CACNA1C: variants seen among roughly 807,000 people sequenced by gnomAD.
The protein encoded by CACNA1C is calcium voltage-gated channel subunit alpha1 C.
In CACNA1C, 30 loss-of-function variants were observed where a neutral mutation model predicts 229.0. That is an observed-to-expected ratio of 0.13 (90% CI 0.10 to 0.18). The LOEUF is 0.18. Among genes scored for constraint, CACNA1C ranks in the 10% least tolerant of loss-of-function variants. The pLI is 1.00. For missense variants in CACNA1C, 1,658 were observed against 2,845.0 expected (o/e 0.58, Z 9.49); for synonymous variants, 1,114 against 1,132.5 (o/e 0.98, Z 0.33).
chr12:2,265,842 C>T (rs775813312), intron 3 of CACNA1C, among the ~76,000 whole-genome samples: 4 of 152,196 alleles, frequency 2.6e-5, no homozygotes, highest in African/African-American at 4.8e-5. Context: ...ATCTCTGGAG[C>T]CCCTTTTGGC....
Position 2,593,248 on chromosome 12 carries a change from G to A in CACNA1C, c.2566G>A (p.Gly856Ser), listed in dbSNP as rs145549773. 6.9e-5 allele frequency: 112 copies of A among 1,613,708 alleles called. 1 individual carries two copies. The highest frequency in any genetic ancestry group is 8.7e-5 in the Non-Finnish European group (103 of 1,179,806). Residue 856 changes from glycine (G) to serine (S), a missense_variant, in exon 19 of 47, where the codon GGC becomes AGC. By Grantham distance (56) the Gly-to-Ser change is moderately conservative. Coordinates refer to ENST00000399655, the MANE Select transcript of CACNA1C (RefSeq NM_000719.7). ...EDEEEPEMPVGPRPRPLSELH... is the reference protein window; with the variant it reads ...EDEEEPEMPVSPRPRPLSELH... ...TGAGGAGGAGCCAGAGATGCCTGTC[G>A]GCCCTCGCCCACGACCACTCTCTGA...
chr12:2,094,792 G>A lies in CACNA1C; in HGVS notation c.50-20432G>A, dbSNP rs557450266. Among the ~76,000 whole-genome samples the A allele has an allele frequency of 2.6e-5, 4 of 152,290 alleles. No homozygotes were observed. The South Asian group carries it at 8.3e-4, about 32-fold the overall frequency. On this transcript the variant is annotated intron_variant, in intron 1 of 46. Coordinates refer to ENST00000399655, the MANE Select transcript of CACNA1C (RefSeq NM_000719.7). ...TGCTTCAGGGGAAATGTTGGGGGTT[G>A]TGAAATGCAGCCACTCTGGATGGGG...
chr12:2,019,996 C>T (rs578131608), intron 1 of CACNA1C: 1 of 152,288 alleles, frequency 6.6e-6, no homozygotes, highest in South Asian at 2.1e-4. Context: ...GTATACATTT[C>T]TTTCAGAGAA....
At chr12:2,385,144 C>A (rs2154546714) in intron 3 of CACNA1C, among the ~76,000 whole-genome samples, 1 of 152,226 alleles carries the variant, frequency 6.6e-6, no homozygotes, top group Admixed American at 6.5e-5. Flanking sequence ...ATTTGAGTCA[C>A]CGGGGAAGTT....
intron 3 of CACNA1C, among the ~76,000 whole-genome samples, chr12:2,227,534 A>G (rs1374451075): frequency 6.6e-6 from 1 of 152,196 alleles, no homozygotes; most frequent in African/African-American, 2.4e-5. Flanking sequence ...GAATCATTAT[A>G]TGTCAGTTCC....
At position 2,480,212 on chromosome 12, in the gene CACNA1C, G is replaced by A. The variant is rs554055427; in HGVS notation, c.758-5892G>A. Among the ~76,000 whole-genome samples the A allele has an allele frequency of 5.9e-5, 9 of 152,232 alleles. 2 individuals are homozygous for A. The highest frequency in any genetic ancestry group is 1.9e-4 in the East Asian group (1 of 5,176). On this transcript the variant is annotated intron_variant, in intron 5 of 46. Transcript: ENST00000399655. ...CAGGAGGAGCATGGGGCTGACAGACGGAGAGCCCTGGGTGTCCTATAGCTA... is the reference window on the plus strand; with the variant it reads ...CAGGAGGAGCATGGGGCTGACAGACAGAGAGCCCTGGGTGTCCTATAGCTA...
intron 3 of CACNA1C, among the ~76,000 whole-genome samples, chr12:2,294,280 C>T (rs1037520898): frequency 2.6e-5 from 4 of 151,986 alleles, no homozygotes; most frequent in Admixed American, 6.6e-5. Context: ...GACATGGCAG[C>T]GGTGGTGGGT....
intron 1 of CACNA1C, among the ~76,000 whole-genome samples, chr12:1,983,414 A>G (rs894199450): frequency 1.3e-5 from 2 of 152,016 alleles, no homozygotes; most frequent in Non-Finnish European, 2.9e-5. Context: ...TTTGGTTGCA[A>G]CTGAAATATT....
chr12:2,328,253 G>C (rs1256070808), intron 3 of CACNA1C, among the ~76,000 whole-genome samples: 2 of 152,082 alleles, frequency 1.3e-5, no homozygotes, highest in Non-Finnish European at 2.9e-5. Context: ...TTAGTACCTG[G>C]GTAGCAGAAC....
intron 3 of CACNA1C, among the ~76,000 whole-genome samples, chr12:2,253,745 A>G (rs2154390402): frequency 6.6e-6 from 1 of 152,320 alleles, no homozygotes; most frequent in South Asian, 2.1e-4. Flanking sequence ...GGTAACCTAC[A>G]TTGTTTAAGT....
At chr12:2,297,093 C>A (rs760164034) in intron 3 of CACNA1C, among the ~76,000 whole-genome samples, 1 of 152,152 alleles carries the variant, frequency 6.6e-6, no homozygotes, top group Non-Finnish European at 1.5e-5. Context: ...GATGTCAGGT[C>A]CAGGACAGCA....
chr12:2,071,330 A>G (rs765219552), intron 1 of CACNA1C, among the ~76,000 whole-genome samples: 4 of 150,494 alleles, frequency 2.7e-5, no homozygotes, highest in Non-Finnish European at 5.9e-5. Context: ...CAATCCTTCC[A>G]CCTCAGCCTC....
At chr12:2,018,264 G>T (rs544944791) in intron 1 of CACNA1C, 5 of 152,332 alleles carry the variant, frequency 3.3e-5, no homozygotes, top group African/African-American at 9.6e-5. Context: ...TGACATGTAT[G>T]ATAAGCAACC....
intron 3 of CACNA1C, among the ~76,000 whole-genome samples, chr12:2,423,787 G>GA (rs1433347013): frequency 3.3e-5 from 5 of 152,200 alleles, no homozygotes; most frequent in African/African-American, 4.8e-5. Context: ...AAGGTAATGA[G>GA]AAAAATAAAG....
intron 11 of CACNA1C, among the ~76,000 whole-genome samples, chr12:2,564,250 T>C (rs895675463): frequency 1.3e-5 from 2 of 152,214 alleles, no homozygotes; most frequent in African/African-American, 4.8e-5. Context: ...TATTTTCCAC[T>C]CTATTCCTTT....
chr12:2,580,855 C>A (rs2060226924), intron 13 of CACNA1C, among the ~76,000 whole-genome samples: 3 of 152,180 alleles, frequency 2.0e-5, no homozygotes, highest in Non-Finnish European at 4.4e-5. Flanking sequence ...TAGGATTTCC[C>A]AGACTCACCT....
At chr12:2,242,865 T>G (rs1314962013) in intron 3 of CACNA1C, among the ~76,000 whole-genome samples, 3 of 152,234 alleles carry the variant, frequency 2.0e-5, no homozygotes, top group Non-Finnish European at 4.4e-5. Flanking sequence ...TTTCATTTGA[T>G]CCTCAAAAGA....
chr12:2,223,191 CACCTCCAAAAAGAAGCTGTGTGGTGAA>C (rs1222595039), intron 3 of CACNA1C, among the ~76,000 whole-genome samples: 1 of 152,196 alleles, frequency 6.6e-6, no homozygotes, highest in African/African-American at 2.4e-5. Context: ...TGGGGAGTCA[CACCTCCAAAAAGAAGCTGTGTGGTGAA>C]TGGGTCCAAA....
intron 3 of CACNA1C, among the ~76,000 whole-genome samples, chr12:2,277,358 GACAGACACACACACACACACAC>G (rs1183814180): frequency 0.016 from 1,324 of 82,836 alleles, 14 homozygotes; most frequent in Middle Eastern, 0.024. Context: ...CAGACAGACA[GACAGACACACACACACACACAC>G]ACACACACAC....
Sources: allele counts gnomAD v4.1 joint callset (sites outside exome capture counted in the v4.1 genomes callset), GRCh38; gene constraint gnomAD v4.1.1; transcripts MANE v1.5; gene names NCBI Gene and HGNC (gene_info 2026-07-23, HGNC 2026-07-21).